The following PTPRD variants were observed in gnomAD, a reference collection of about 807,000 sequenced individuals.
PTPRD encodes protein tyrosine phosphatase receptor type D.
A neutral mutation model predicts 214.5 loss-of-function variants in PTPRD; 34 were observed. The ratio of observed to expected loss-of-function variants is 0.16; its 90% CI spans 0.12 to 0.21. The LOEUF (loss-of-function observed/expected upper bound fraction) is 0.21, where lower values mean the gene tolerates loss of function less well. PTPRD is among the 10% of genes least tolerant of loss of function. The probability of loss-of-function intolerance (pLI) is 1.00; values close to 1 mark genes in which losing one functional copy is unlikely to be tolerated. For missense variants in PTPRD, 2,545 were observed against 2,398.7 expected (o/e 1.06, Z -1.27); for synonymous variants, 1,128 against 845.7 (o/e 1.33, Z -5.79).
chr9:10,268,441 G>A (rs1313155460), intron 3 of PTPRD, among the ~76,000 whole-genome samples: 5 of 151,932 alleles, frequency 3.3e-5, no homozygotes, highest in Non-Finnish European at 4.4e-5. Context: ...TAAATATATA[G>A]TTTCAGAGAA....
chr9:9,510,117 T>G (rs1434670263), intron 8 of PTPRD, among the ~76,000 whole-genome samples: 3 of 151,748 alleles, frequency 2.0e-5, no homozygotes, highest in Non-Finnish European at 4.4e-5. Flanking sequence ...TACTTCCTAC[T>G]GGGAACTTCT....
chr9:9,532,620 G>A (rs1350779357), intron 8 of PTPRD, among the ~76,000 whole-genome samples: 2 of 152,170 alleles, frequency 1.3e-5, no homozygotes, highest in East Asian at 3.9e-4. Context: ...CTTTGAGTCT[G>A]TGCTGCTGCT....
intron 4 of PTPRD, among the ~76,000 whole-genome samples, chr9:9,964,742 C>G (rs1316741556): frequency 2.0e-5 from 3 of 152,060 alleles, no homozygotes; most frequent in Non-Finnish European, 4.4e-5. Flanking sequence ...ATTTTTATCT[C>G]CATTGCTTAT....
At chr9:9,312,090 TTTAG>T (rs775390115) in intron 9 of PTPRD, among the ~76,000 whole-genome samples, 13 of 152,214 alleles carry the variant, frequency 8.5e-5, no homozygotes, top group Non-Finnish European at 1.8e-4. Flanking sequence ...ATCCCTCACA[TTTAG>T]TTAGTGCCTC....
chr9:10,091,307 T>C (rs980812003), intron 3 of PTPRD, among the ~76,000 whole-genome samples: 4 of 151,510 alleles, frequency 2.6e-5, no homozygotes, highest in Non-Finnish European at 4.4e-5. Context: ...AAAGGAGAAT[T>C]ATTTGAAAAT....
intron 13 of PTPRD, among the ~76,000 whole-genome samples, chr9:8,635,737 A>C (rs2096410087): frequency 6.6e-6 from 1 of 152,156 alleles, no homozygotes; most frequent in Admixed American, 6.6e-5. Context: ...AAGGGAGGTG[A>C]GTTTCACAAT....
chr9:9,219,995 T>C (rs542936190), intron 9 of PTPRD, among the ~76,000 whole-genome samples: 186 of 152,290 alleles, frequency 1.2e-3, no homozygotes, highest in Middle Eastern at 3.4e-3. Context: ...CAAACTCATA[T>C]TGAAATAAAC....
In PTPRD at chr9:10,328,498, C is replaced by T. The variant is rs74320187; in HGVS notation, c.-545+12465G>A. Among the ~76,000 whole-genome samples the T allele has an allele frequency of 7.9e-3, 1,198 of 151,748 alleles. 16 individuals are homozygous for T. Among genetic ancestry groups the T allele is most frequent in the African/African-American group, 0.028 (1,150 of 41,458 alleles). On this transcript the variant is annotated intron_variant, in intron 3 of 45. Transcript: ENST00000381196. ...ACACCCCTACAAACTTCTCTTTGCC[C>T]ATAGGAACTTGTTAGCAACTTAAAC...
chr9:9,420,216 A>C (rs889875235), intron 8 of PTPRD, among the ~76,000 whole-genome samples: 31 of 151,860 alleles, frequency 2.0e-4, no homozygotes, highest in Admixed American at 1.8e-3. Flanking sequence ...TAATTGACAC[A>C]AACAAAATAT....
intron 12 of PTPRD, among the ~76,000 whole-genome samples, chr9:8,728,839 G>C (rs1413765897): frequency 6.6e-6 from 1 of 152,050 alleles, no homozygotes; most frequent in African/African-American, 2.4e-5. Context: ...AATTAGCCGG[G>C]CATGGTGGCA....
chr9:9,331,134 A>C (rs2042157243), intron 9 of PTPRD, among the ~76,000 whole-genome samples: 1 of 152,000 alleles, frequency 6.6e-6, no homozygotes, highest in Non-Finnish European at 1.5e-5. Context: ...TATTCTATTC[A>C]TGTCTCGGAT....
At chr9:9,250,513 C>T (rs2099975049) in intron 9 of PTPRD, among the ~76,000 whole-genome samples, 1 of 151,942 alleles carries the variant, frequency 6.6e-6, no homozygotes, top group Non-Finnish European at 1.5e-5. Flanking sequence ...AACAAATAAC[C>T]CCAATGACAA....
chr9:8,701,701 G>C (rs7863841), intron 12 of PTPRD: 82,506 of 151,908 alleles, frequency 0.54, 22,883 homozygotes, highest in Non-Finnish European at 0.61. Flanking sequence ...CTCTTCCTTT[G>C]TCACCCTTGG....
intron 3 of PTPRD, among the ~76,000 whole-genome samples, chr9:10,243,509 T>C (rs550049091): frequency 4.6e-5 from 7 of 152,044 alleles, no homozygotes; most frequent in Non-Finnish European, 1.0e-4. Flanking sequence ...CTTCCACCTA[T>C]ACAATTGCAT....
Position 8,314,626 on chromosome 9 carries a change from C to T in PTPRD, c.*3248G>A. The stretch of plus-strand genomic sequence containing the variant: ...GGGCACCCATAAACCCAAAAGGAAC[C>T]AAAACCCAAAAAGAAAAACAAAAAG... On this transcript the variant is annotated 3_prime_UTR_variant, in exon 46 of 46. Transcript: ENST00000381196. 1 of 231,232 alleles carries T rather than the reference C, an allele frequency of 4.3e-6. No individual in the cohort carries two copies. The highest frequency in any genetic ancestry group is 8.5e-6 in the Non-Finnish European group (1 of 117,034). The allele number at this position is 231,232 out of a possible 1,614,324, so 14.3% of individuals were successfully genotyped here.
chr9:10,466,623 C>CAAAAAAAAAAAAAAAAA (rs66705572), intron 2 of PTPRD, among the ~76,000 whole-genome samples: 1 of 76,874 alleles, frequency 1.3e-5, no homozygotes, highest in Non-Finnish European at 2.3e-5. Context: ...AACTCCAACT[C>CAAAAAAAAAAAAAAAAA]AAAAAAAAAA....
At chr9:10,079,448 C>A (rs577514117) in intron 3 of PTPRD, among the ~76,000 whole-genome samples, 2 of 152,236 alleles carry the variant, frequency 1.3e-5, no homozygotes, top group Admixed American at 6.5e-5. Flanking sequence ...TATTTTTCCC[C>A]TCCCCTGAAG....
chr9:9,798,510 A>G (rs1182489596), intron 5 of PTPRD, among the ~76,000 whole-genome samples: 2 of 152,116 alleles, frequency 1.3e-5, no homozygotes, highest in Non-Finnish European at 2.9e-5. Context: ...CCTTTCTTCC[A>G]AGGATAGGGA....
intron 5 of PTPRD, among the ~76,000 whole-genome samples, chr9:9,836,712 C>G (rs1172574826): frequency 6.6e-6 from 1 of 152,112 alleles, no homozygotes; most frequent in East Asian, 1.9e-4. Context: ...CCACTACTTA[C>G]TACCTGTGTG....
Sources: allele counts gnomAD v4.1 joint callset (sites outside exome capture counted in the v4.1 genomes callset), GRCh38; gene constraint gnomAD v4.1.1; transcripts MANE v1.5; gene names NCBI Gene and HGNC (gene_info 2026-07-23, HGNC 2026-07-21).